The following MADD variants were observed in gnomAD, a reference collection of about 807,000 sequenced individuals.
MADD encodes MAP kinase activating death domain.
In MADD, 109 loss-of-function variants were observed where a neutral mutation model predicts 176.7. The ratio of observed to expected loss-of-function variants is 0.62; its 90% CI spans 0.53 to 0.72. The LOEUF is 0.72. Among genes scored for constraint, MADD ranks in the 30% least tolerant of loss-of-function variants. The probability of loss-of-function intolerance (pLI) is 0.00; values close to 1 mark genes in which losing one functional copy is unlikely to be tolerated. For synonymous variants in MADD, 771 were observed against 771.3 expected, an observed-to-expected ratio of 1.00 and a Z score of 0.01; for missense variants, 1,914 against 2,045.5, an observed-to-expected ratio of 0.94 and a Z score of 1.24.
intron 7 of MADD, 142 bp downstream of exon 7, chr11:47,279,221 G>A (rs1259616611): frequency 2.9e-6 from 2 of 701,194 alleles, no homozygotes; most frequent in South Asian, 1.7e-5. Flanking sequence ...AAGAAAACGC[G>A]TATCCCATTT....
chr11:47,316,020 TG>T (rs946488378), intron 27 of MADD, among the ~76,000 whole-genome samples: 1 of 150,126 alleles, frequency 6.7e-6, no homozygotes, highest in Non-Finnish European at 1.5e-5. Context: ...TTAGTAGAGG[TG>T]GGGTTTCACC....
At chr11:47,287,989 G>C (rs187288113) in intron 15 of MADD, among the ~76,000 whole-genome samples, 1 of 151,608 alleles carries the variant, frequency 6.6e-6, no homozygotes, top group East Asian at 2.0e-4. Context: ...AGGTTTCACC[G>C]TGTTAGCCAG....
At chr11:47,305,016 T>A (rs2081452332) in intron 22 of MADD, among the ~76,000 whole-genome samples, 1 of 152,250 alleles carries the variant, frequency 6.6e-6, no homozygotes, top group African/African-American at 2.4e-5. Flanking sequence ...GCATTCAACA[T>A]GAGCAATAAC....
At chr11:47,323,894 T>G in intron 28 of MADD, 59 bp downstream of exon 31, 1 of 1,560,090 alleles carries the variant, frequency 6.4e-7, no homozygotes, top group South Asian at 1.1e-5. Flanking sequence ...AATAGTGAAT[T>G]TCTCTTTGGG....
rs1195327978 is a variant in MADD at position 47,324,304 on chromosome 11, C to T, written c.4402C>T (p.Arg1468Cys). Residue 1468 changes from arginine to cysteine, a missense_variant, in exon 29 of 33, where the codon CGC becomes TGC. Physicochemically the swap from Arg to Cys is radical, Grantham distance 180 (BLOSUM62 -3). Around this residue, in one of 2 missense-constraint regions of MADD, gnomAD observed 147 missense variants for 209.5 expected, o/e 0.70. Coordinates refer to ENST00000402192, the Ensembl canonical transcript of MADD. ...CTACTGTGTGAAGGACAGCATGGAG[C>T]GCGCTGCCGCCCGACAGCAAAGCAT... 22 of 1,614,086 alleles carry T rather than the reference C, an allele frequency of 1.4e-5. No homozygotes were observed. Among genetic ancestry groups the T allele is most frequent in the East Asian group, 4.5e-5 (2 of 44,892 alleles).
chr11:47,279,127 A>T, intron 7 of MADD, 48 bp downstream of exon 7: 2 of 1,555,840 alleles, frequency 1.3e-6, no homozygotes, highest in South Asian at 2.3e-5. Context: ...ATGCTGTGGG[A>T]TTCCTATAAG....
In MADD at chr11:47,285,044, G is replaced by A. The variant is rs1178271378; in HGVS notation, c.2261G>A (p.Arg754His). Reference sequence around the variant, plus strand: ...ATTGGCAAATCGAACGTGGACAGACGTCAGGCAGAAATTGGAGAGGGGTCA... The same window carrying A: ...ATTGGCAAATCGAACGTGGACAGACATCAGGCAGAAATTGGAGAGGGGTCA... Residue 754 changes from arginine (R) to histidine (H), a missense_variant, in exon 13 of 33, where the codon CGT becomes CAT. This residue lies in a region of MADD where 1,767 missense variants were observed against 1,836.0 expected (regional missense o/e 0.96). Coordinates refer to ENST00000402192, the Ensembl canonical transcript of MADD. The A allele has an allele frequency of 3.7e-6, 6 of 1,614,030 alleles. No individual in the cohort carries two copies. Among genetic ancestry groups the A allele is most frequent in the East Asian group, 2.2e-5 (1 of 44,890 alleles).
chr11:47,282,244 T>C (rs1315519184), intron 8 of MADD, 137 bp from the exon 9 acceptor site: 1 of 652,842 alleles, frequency 1.5e-6, no homozygotes, highest in Non-Finnish European at 2.7e-6. Flanking sequence ...AAGAGGGGGC[T>C]GATGATTCTT....
intron 22 of MADD, among the ~76,000 whole-genome samples, chr11:47,297,504 T>G (rs1381052914): frequency 6.6e-6 from 1 of 151,174 alleles, no homozygotes; most frequent in Non-Finnish European, 1.5e-5. Context: ...TGGAGTGCAG[T>G]GGTGCGATCT....
intron 30 of MADD, 98 bp from the exon 34 acceptor site, chr11:47,326,446 C>T (rs946672124): frequency 3.7e-5 from 37 of 996,848 alleles, no homozygotes; most frequent in African/African-American, 1.8e-4. Flanking sequence ...GCAGAGGGTA[C>T]GGGCGGGCAG....
intron 27 of MADD, among the ~76,000 whole-genome samples, chr11:47,318,515 CCTTTT>C (rs1033303246): frequency 1.3e-5 from 2 of 152,140 alleles, no homozygotes; most frequent in Non-Finnish European, 2.9e-5. Context: ...TGACTCTTGC[CCTTTT>C]CTTTTCCTTT....
chr11:47,304,967 T>C (rs952323300), intron 22 of MADD, among the ~76,000 whole-genome samples: 2 of 152,180 alleles, frequency 1.3e-5, no homozygotes, highest in African/African-American at 4.8e-5. Context: ...TGTTTCTGGA[T>C]AGATGTAGTG....
In MADD at chr11:47,289,375, G is replaced by A; in HGVS notation, c.2654-16G>A. 6.3e-7 allele frequency: 1 copy of A among 1,599,624 alleles called. No homozygotes were observed. Among genetic ancestry groups the A allele is most frequent in the South Asian group, 1.1e-5 (1 of 90,796 alleles). On this transcript the variant is annotated splice_polypyrimidine_tract_variant and intron_variant, in intron 15 of 32. Transcript: ENST00000402192. ...TACAATAGTGATGTCTCTCATTCCT[G>A]CCTTCCCTGCCACAGGAAACAGGAG... is the stretch of plus-strand genomic sequence containing the variant.
intron 27 of MADD, among the ~76,000 whole-genome samples, chr11:47,317,514 A>G (rs1192636607): frequency 6.6e-6 from 1 of 152,152 alleles, no homozygotes; most frequent in Non-Finnish European, 1.5e-5. Context: ...CCTTTGTATT[A>G]GCGTGTTTCC....
exon 18 of MADD, chr11:47,290,285 A>G (rs749492799): frequency 1.2e-6 from 2 of 1,613,942 alleles, no homozygotes; most frequent in Non-Finnish European, 8.5e-7. Flanking sequence ...GCCCAGACCC[A>G]CTACTATAGT....
At position 47,275,001 on chromosome 11, in the gene MADD, C is replaced by T. The variant is rs753357447; in HGVS notation, c.501C>T (p.Ser167=). ...GCAAACGCCGGGCCAAGGCGGGGAG[C>T]CGCTCCCGCAACAGTACTCTCACGT... Residue 167 remains serine (S), a synonymous_variant, in exon 3 of 33, where the codon AGC becomes AGT. Coordinates refer to ENST00000402192, the Ensembl canonical transcript of MADD. 3.1e-6 allele frequency: 5 copies of T among 1,614,080 alleles called. No homozygotes were observed. In the African/African-American group the frequency reaches 4.0e-5, roughly 13 times the overall value.
exon 23 of MADD, chr11:47,308,606 T>C: frequency 6.2e-7 from 1 of 1,613,912 alleles, no homozygotes; most frequent in South Asian, 1.1e-5. Flanking sequence ...AGCCCACAGC[T>C]TGAAGCCAAG....
At chr11:47,322,231 C>T (rs1230687102) in intron 27 of MADD, among the ~76,000 whole-genome samples, 5 of 152,062 alleles carry the variant, frequency 3.3e-5, no homozygotes. Context: ...AATGGCAGAG[C>T]TGGAATCTAA....
exon 16 of MADD, chr11:47,289,391 G>A (rs1261519183): frequency 1.2e-6 from 2 of 1,613,046 alleles, no homozygotes; most frequent in Non-Finnish European, 1.7e-6. Context: ...CCTGCCACAG[G>A]AAACAGGAGG....
Sources: allele counts gnomAD v4.1 joint callset (sites outside exome capture counted in the v4.1 genomes callset), GRCh38; gene constraint gnomAD v4.1.1; regional missense constraint gnomAD v4.1.1; transcripts MANE v1.5; gene names NCBI Gene and HGNC (gene_info 2026-07-23, HGNC 2026-07-21).